ZFHX4: variants seen among roughly 807,000 people sequenced by gnomAD.
ZFHX4 encodes zinc finger homeobox 4.
In ZFHX4, 56 loss-of-function variants were observed where a neutral mutation model predicts 267.6. The ratio of observed to expected loss-of-function variants is 0.21; its 90% confidence interval spans 0.17 to 0.26. The LOEUF (loss-of-function observed/expected upper bound fraction) is 0.26. Among genes scored for constraint, ZFHX4 ranks in the 10% least tolerant of loss-of-function variants. The pLI is 1.00. For missense variants in ZFHX4, 4,332 were observed against 4,420.0 expected, an observed-to-expected ratio of 0.98 and a Z score of 0.56; for synonymous variants, 1,778 against 1,665.6, an observed-to-expected ratio of 1.07 and a Z score of -1.64.
At chr8:76,698,825 C>G (rs1027118284) in intron 1 of ZFHX4, among the ~76,000 whole-genome samples, 6 of 152,090 alleles carry the variant, frequency 3.9e-5, no homozygotes, top group African/African-American at 1.2e-4. Context: ...ACTTAATTAC[C>G]TTCTCCCCTT....
intron 3 of ZFHX4, among the ~76,000 whole-genome samples, chr8:76,725,564 T>A (rs1264716460): frequency 6.6e-6 from 1 of 152,058 alleles, no homozygotes; most frequent in South Asian, 2.1e-4. Flanking sequence ...TTAAAAAAAA[T>A]CAAACCAATT....
chr8:76,752,127 C>A (rs1809628878), intron 3 of ZFHX4, among the ~76,000 whole-genome samples: 1 of 151,984 alleles, frequency 6.6e-6, no homozygotes. Context: ...AGCTTCCCTG[C>A]AATCCTTTAC....
At chr8:76,722,434 A>C (rs1451575995) in intron 3 of ZFHX4, among the ~76,000 whole-genome samples, 1 of 151,992 alleles carries the variant, frequency 6.6e-6, no homozygotes, top group Non-Finnish European at 1.5e-5. Context: ...TCCCATTATT[A>C]ATATACTGAG....
chr8:76,706,611 C>T lies in ZFHX4; in HGVS notation c.2523C>T (p.Asp841=). 3.7e-6 allele frequency: 6 copies of T among 1,608,304 alleles called. No individual in the cohort carries two copies. The highest frequency in any genetic ancestry group is 5.1e-6 in the Non-Finnish European group (6 of 1,177,544). Residue 841 remains aspartate (D), a synonymous_variant, in exon 2 of 11, where the codon GAC becomes GAT. Coordinates refer to ENST00000651372, the MANE Select transcript of ZFHX4 (RefSeq NM_024721.5). ...LTGMKLENPA[D]PQLMINPFQL... is the part of the protein sequence containing the mutation. ...GAATGAAGCTGGAAAACCCTGCCGA[C>T]CCTCAGCTGATGATCAATCCATTCC...
At chr8:76,836,183 G>T (rs1339631924) in intron 5 of ZFHX4, among the ~76,000 whole-genome samples, 1 of 152,090 alleles carries the variant, frequency 6.6e-6, no homozygotes, top group East Asian at 1.9e-4. Flanking sequence ...AAACAAAAAA[G>T]TATTTTCAGA....
chr8:76,829,012 A>T (rs1306241481), intron 4 of ZFHX4, among the ~76,000 whole-genome samples: 1 of 152,152 alleles, frequency 6.6e-6, no homozygotes, highest in Admixed American at 6.5e-5. Context: ...GCAGGCAAAT[A>T]GTATTAGTAC....
rs1047104575 is a variant in ZFHX4, at chr8:76,842,117, G to GA, written c.3395-528dup. On this transcript the variant is annotated intron_variant, in intron 5 of 10. Transcript: ENST00000651372. ...ACCCAGTATAGCTCCCTCTACAGAA[G>GA]AAAAAAAAAATCCCCAATGTAACTG... Among the ~76,000 whole-genome samples, 269 of 149,232 alleles carry GA rather than the reference G, an allele frequency of 1.8e-3. 3 individuals carry two copies. The Middle Eastern group carries it at 0.021, about 11-fold the overall frequency.
In ZFHX4 at chr8:76,854,252, C is replaced by T; in HGVS notation, c.7331C>T (p.Ala2444Val). ...TCGGACCCACCACAGGCATCCACAG[C>T]CCAGCCACAGCCACAGCCACAGCCA... ...TSSDPPQASTAQPQPQPQPPK... is the reference protein window; with the variant it reads ...TSSDPPQASTVQPQPQPQPPK... The change falls in exon 10 of 11, where the codon GCC becomes GTC. Residue 2444 changes from alanine to valine, a missense_variant. By Grantham distance (64) the Ala-to-Val change is moderately conservative (BLOSUM62 0). This residue lies in a region of ZFHX4 where 1,648 missense variants were observed against 1,625.0 expected (regional missense o/e 1.01). Transcript: ENST00000651372. 6.4e-7 allele frequency: 1 copy of T among 1,574,720 alleles called. No individual in the cohort carries two copies. Among genetic ancestry groups the T allele is most frequent in the East Asian group, 2.4e-5 (1 of 42,088 alleles).
intron 4 of ZFHX4, among the ~76,000 whole-genome samples, chr8:76,825,255 T>C (rs1811754731): frequency 6.6e-6 from 1 of 152,240 alleles, no homozygotes; most frequent in Non-Finnish European, 1.5e-5. Context: ...TTTGTATTTA[T>C]TAACTTTGCT....
chr8:76,714,139 C>A (rs2131626709), intron 3 of ZFHX4, among the ~76,000 whole-genome samples: 1 of 152,244 alleles, frequency 6.6e-6, no homozygotes, highest in East Asian at 1.9e-4. Context: ...TTAGGTAATG[C>A]AGACAAAGGT....
chr8:76,866,685 A>C lies in ZFHX4; in HGVS notation c.*2120A>C, dbSNP rs1198985951. 1 of 152,582 alleles carries C rather than the reference A, an allele frequency of 6.6e-6. No individual in the cohort carries two copies. The highest frequency in any genetic ancestry group is 2.4e-5 in the African/African-American group (1 of 41,454). The allele number at this position is 152,582 out of a possible 1,614,324, so 9.5% of individuals were successfully genotyped here. On this transcript the variant is annotated 3_prime_UTR_variant, in exon 11 of 11. Coordinates refer to ENST00000651372, the MANE Select transcript of ZFHX4 (RefSeq NM_024721.5). ...CCTGGCAGTTAACACGATGTGCAAC[A>C]GTGTGTTAGCATGGAACAGAACGCT... is the stretch of plus-strand genomic sequence containing the variant.
At chr8:76,764,393 G>A (rs534977501) in intron 3 of ZFHX4, among the ~76,000 whole-genome samples, 13 of 152,122 alleles carry the variant, frequency 8.5e-5, no homozygotes, top group South Asian at 2.1e-4. Flanking sequence ...CTAGTTTCAC[G>A]GACCAGCTGA....
intron 4 of ZFHX4, among the ~76,000 whole-genome samples, chr8:76,781,660 C>T (rs919556948): frequency 5.3e-5 from 8 of 152,092 alleles, no homozygotes; most frequent in African/African-American, 1.9e-4. Context: ...TTTCCCTTGG[C>T]ATCAAGTGTA....
chr8:76,818,677 C>T (rs753736501), intron 4 of ZFHX4, among the ~76,000 whole-genome samples: 13 of 151,620 alleles, frequency 8.6e-5, no homozygotes, highest in Admixed American at 3.3e-4. Flanking sequence ...TTTGGGAGGC[C>T]GAGGCAGGGA....
At position 76,851,537 on chromosome 8, in the gene ZFHX4, G is replaced by A. The variant is rs981659626; in HGVS notation, c.4616G>A (p.Arg1539His). 2.9e-5 allele frequency: 47 copies of A among 1,613,848 alleles called. No homozygotes were observed. The highest frequency in any genetic ancestry group is 8.3e-5 in the Admixed American group (5 of 60,006). The change falls in exon 10 of 11, where the codon CGT becomes CAT. Residue 1539 changes from arginine (R) to histidine (H), a missense_variant. Arg to His is a conservative substitution (Grantham distance 29). Coordinates refer to ENST00000651372, the MANE Select transcript of ZFHX4 (RefSeq NM_024721.5). Reference sequence around the variant, plus strand: ...ATGGAAAAATTCCTTGATCCATCTCGTCCATATAAATGTACAGTGTGTAAA... The same window carrying A: ...ATGGAAAAATTCCTTGATCCATCTCATCCATATAAATGTACAGTGTGTAAA... ...FTMEKFLDPSRPYKCTVCKES... is the reference protein window; with the variant it reads ...FTMEKFLDPSHPYKCTVCKES...
chr8:76,846,342 T>C (rs1046260617), intron 6 of ZFHX4, among the ~76,000 whole-genome samples: 1 of 152,094 alleles, frequency 6.6e-6, no homozygotes, highest in African/African-American at 2.4e-5. Context: ...ACCTAGCTAA[T>C]GTTAGATGTT....
chr8:76,772,638 G>A (rs1348262684), intron 3 of ZFHX4, among the ~76,000 whole-genome samples: 1 of 152,142 alleles, frequency 6.6e-6, no homozygotes, highest in Admixed American at 6.6e-5. Flanking sequence ...GACATGGCCA[G>A]AGTGGTGTTT....
At chr8:76,699,714 T>G (rs917201775) in intron 1 of ZFHX4, among the ~76,000 whole-genome samples, 3 of 149,378 alleles carry the variant, frequency 2.0e-5, no homozygotes, top group Non-Finnish European at 4.4e-5. Flanking sequence ...AATACAGCCT[T>G]GTACACAAAA....
At chr8:76,714,039 T>C (rs1808501042) in intron 3 of ZFHX4, among the ~76,000 whole-genome samples, 1 of 152,196 alleles carries the variant, frequency 6.6e-6, no homozygotes, top group African/African-American at 2.4e-5. Context: ...TTTTTTTGTG[T>C]AACTTGTGTT....
Sources: allele counts gnomAD v4.1 joint callset (sites outside exome capture counted in the v4.1 genomes callset), GRCh38; gene constraint gnomAD v4.1.1; regional missense constraint gnomAD v4.1.1; transcripts MANE v1.5; gene names NCBI Gene and HGNC (gene_info 2026-07-23, HGNC 2026-07-21).